The following FABP6 variants were observed in gnomAD, a reference collection of about 807,000 sequenced individuals.
The protein encoded by FABP6 is gastrotropin.
A neutral mutation model predicts 14.9 loss-of-function variants in FABP6; 13 were observed. That is an observed-to-expected ratio of 0.87 (90% CI 0.57 to 1.39). The LOEUF is 1.39. Ranked by LOEUF, FABP6 falls within the 40% of genes most tolerant of loss-of-function variation. FABP6 has a pLI of 0.00. For missense variants in FABP6, 161 were observed against 167.2 expected (o/e 0.96, Z 0.20); for synonymous variants, 75 against 63.6 (o/e 1.18, Z -0.85).
intron 2 of FABP6, among the ~76,000 whole-genome samples, chr5:160,199,766 G>A (rs576847929): frequency 1.3e-5 from 2 of 152,270 alleles, no homozygotes; most frequent in South Asian, 2.1e-4. Context: ...ACACAGACGC[G>A]TCCCAGTGGG....
intron 3 of FABP6, among the ~76,000 whole-genome samples, chr5:160,235,302 A>T (rs186688291): frequency 2.2e-4 from 34 of 152,184 alleles, no homozygotes; most frequent in Admixed American, 2.2e-3. Flanking sequence ...GACAGCCACC[A>T]CTCCATTCCT....
chr5:160,223,664 C>T (rs1259300968), intron 3 of FABP6, among the ~76,000 whole-genome samples: 7 of 151,514 alleles, frequency 4.6e-5, no homozygotes, highest in South Asian at 2.1e-4. Flanking sequence ...TGGGCCCAAG[C>T]GATCTTTCCG....
chr5:160,193,446 G>A (rs1759442699), intron 1 of FABP6, among the ~76,000 whole-genome samples: 1 of 152,136 alleles, frequency 6.6e-6, no homozygotes, highest in African/African-American at 2.4e-5. Context: ...CGAGCGGGTT[G>A]CGACTGCTGG....
At chr5:160,217,330 G>A (rs1760032957) in intron 3 of FABP6, among the ~76,000 whole-genome samples, 1 of 152,178 alleles carries the variant, frequency 6.6e-6, no homozygotes, top group Non-Finnish European at 1.5e-5. Context: ...AGAGTCATCA[G>A]CAAAAGATGA....
chr5:160,222,089 TC>T (rs1760138868), intron 3 of FABP6, among the ~76,000 whole-genome samples: 2 of 133,996 alleles, frequency 1.5e-5, no homozygotes, highest in Admixed American at 7.9e-5. Flanking sequence ...CCAAATTTTT[TC>T]TTTTCTTTTT....
chr5:160,229,807 G>T (rs1230192709), intron 1 of FABP6, among the ~76,000 whole-genome samples, 183 bp downstream of exon 1: 1 of 151,592 alleles, frequency 6.6e-6, no homozygotes, highest in Non-Finnish European at 1.5e-5. Context: ...TAAGAACTAA[G>T]ACACTCTTTA....
chr5:160,232,373 C>G (rs1204439683), intron 2 of FABP6, 100 bp downstream of exon 2: 1 of 1,291,354 alleles, frequency 7.7e-7, no homozygotes, highest in African/African-American at 1.5e-5. Flanking sequence ...CTTCTTTCTC[C>G]AGTTTGGCCT....
At chr5:160,213,408 G>C (rs751185508) in intron 2 of FABP6, among the ~76,000 whole-genome samples, 1 of 152,164 alleles carries the variant, frequency 6.6e-6, no homozygotes, top group African/African-American at 2.4e-5. Flanking sequence ...TGCAGGGTCC[G>C]CATGCAGTGC....
intron 1 of FABP6, among the ~76,000 whole-genome samples, chr5:160,192,819 A>G (rs7707569): frequency 0.17 from 26,057 of 152,312 alleles, 2,251 homozygotes; most frequent in Middle Eastern, 0.2. Context: ...TGGATCATAT[A>G]AGAAATCCCA....
intron 1 of FABP6, chr5:160,198,754 A>ACAT: frequency 4.0e-6 from 1 of 252,866 alleles, no homozygotes; most frequent in Admixed American, 5.1e-5. Context: ...CCATGTCCTA[A>ACAT]GCATTAAGGT....
chr5:160,227,096 A>G (rs1435533111), upstream of FABP6, among the ~76,000 whole-genome samples: 1 of 152,250 alleles, frequency 6.6e-6, no homozygotes, highest in Non-Finnish European at 1.5e-5. Context: ...TGAGACATAC[A>G]TATGATAGAA....
rs574361787 is a variant in FABP6 at position 160,236,482 on chromosome 5, G to A, written c.333+1573G>A. On this transcript the variant is annotated intron_variant, in intron 3 of 3. Coordinates refer to ENST00000402432, the MANE Select transcript of FABP6 (RefSeq NM_001445.3). Reference sequence around the variant, plus strand: ...GCGCAGTCCATAAGATGGCCCAAGAGGTTCCGTGCCCTCCCATTATACTTA... The same window carrying A: ...GCGCAGTCCATAAGATGGCCCAAGAAGTTCCGTGCCCTCCCATTATACTTA... Among the ~76,000 whole-genome samples the A allele has an allele frequency of 2.0e-5, 3 of 152,206 alleles. No individual in the cohort carries two copies. The East Asian group carries it at 5.8e-4, about 29-fold the overall frequency.
intron 3 of FABP6, among the ~76,000 whole-genome samples, chr5:160,214,112 T>A (rs954561426): frequency 2.2e-5 from 3 of 139,026 alleles, no homozygotes; most frequent in Non-Finnish European, 4.6e-5. Context: ...TCTTTCTTTC[T>A]TTCTTTCTTT....
chr5:160,220,473 G>C (rs1202969771), intron 3 of FABP6, among the ~76,000 whole-genome samples: 3 of 152,044 alleles, frequency 2.0e-5, no homozygotes, highest in African/African-American at 7.2e-5. Context: ...GCCGTGCGTG[G>C]TGGAGCATGC....
In FABP6 at chr5:160,224,433, G is replaced by T. The variant is rs182161371; in HGVS notation, c.136-5113G>T. Reference sequence around the variant, plus strand: ...GGGAGACCCTGTCTCAACAACAAAAGAAATTAGGCCAATTAATAAGCTGAA... The same window carrying T: ...GGGAGACCCTGTCTCAACAACAAAATAAATTAGGCCAATTAATAAGCTGAA... On this transcript the variant is annotated intron_variant, in intron 3 of 6. Coordinates refer to the FABP6 transcript ENST00000393980. Among the ~76,000 whole-genome samples the T allele has an allele frequency of 2.3e-3, 347 of 152,058 alleles. 2 individuals are homozygous for T. The highest frequency in any genetic ancestry group is 7.6e-3 in the African/African-American group (317 of 41,478).
intron 3 of FABP6, among the ~76,000 whole-genome samples, chr5:160,219,739 G>A (rs1561750634): frequency 1.3e-5 from 2 of 152,186 alleles, no homozygotes; most frequent in Non-Finnish European, 2.9e-5. Context: ...AGGGAGTTAA[G>A]CGGGGGCCTG....
Position 160,234,893 on chromosome 5 carries a change from G to C in FABP6, c.317G>C (p.Gly106Ala). ...TATCACCAGACCTCAGAGATCGTGG[G>C]TGACAAGCTGGTGGAGGTGAGTGTC... ...PNYHQTSEIV[G>A]DKLVEVSTIG... Residue 106 changes from glycine (G) to alanine (A), a missense_variant, in exon 3 of 4, where the codon GGT (glycine) becomes GCT (alanine). Transcript: ENST00000402432. The C allele has an allele frequency of 2.5e-6, 4 of 1,611,466 alleles. No homozygotes were observed. The highest frequency in any genetic ancestry group is 3.4e-6 in the Non-Finnish European group (4 of 1,178,616).
chr5:160,194,379 T>C (rs1040519900), intron 1 of FABP6, among the ~76,000 whole-genome samples: 5 of 152,172 alleles, frequency 3.3e-5, no homozygotes, highest in Admixed American at 3.3e-4. Flanking sequence ...GCTGAAGGGC[T>C]CCTCAAGTGC....
chr5:160,213,735 G>A lies in FABP6; in HGVS notation c.52-1G>A, dbSNP rs192888290. ...ATCAGATTATTTCTCTTCTGACTCA[G>A]GTTCTGAGAGCTGTGTTGTCTGCGT... On this transcript the variant is annotated splice_acceptor_variant, in intron 2 of 6. Coordinates refer to the FABP6 transcript ENST00000393980. LOFTEE classifies it high-confidence loss of function. The A allele has an allele frequency of 2.9e-5, 46 of 1,613,846 alleles. No individual in the cohort carries two copies. The Admixed American group carries it at 5.8e-4, about 20-fold the overall frequency.
Sources: allele counts gnomAD v4.1 joint callset (sites outside exome capture counted in the v4.1 genomes callset), GRCh38; gene constraint gnomAD v4.1.1; transcripts MANE v1.5; gene names NCBI Gene and HGNC (gene_info 2026-07-23, HGNC 2026-07-21).